ZNF91: variants seen among roughly 807,000 people sequenced by gnomAD.
The protein encoded by ZNF91 is zinc finger protein 91 (HPF7, HTF10).
ZNF91 carries 7 observed loss-of-function variants against 12.6 expected under a neutral mutation model. That is an observed-to-expected ratio of 0.55 (90% confidence interval 0.31 to 1.04). The LOEUF (loss-of-function observed/expected upper bound fraction) is 1.04, where lower values mean the gene tolerates loss of function less well. Among genes scored for constraint, ZNF91 ranks in the 50% least tolerant of loss-of-function variants. ZNF91 has a pLI of 0.05. For missense variants in ZNF91, 1,217 were observed against 1,385.4 expected (o/e 0.88, Z 1.93); for synonymous variants, 453 against 462.6 (o/e 0.98, Z 0.27).
intron 3 of ZNF91, among the ~76,000 whole-genome samples, chr19:23,371,986 G>C (rs890393767): frequency 6.6e-6 from 1 of 151,902 alleles, no homozygotes; most frequent in Non-Finnish European, 1.5e-5. Context: ...TATGGTTAGA[G>C]CTTCATGTAT....
chr19:23,373,799 C>G lies in ZNF91; in HGVS notation c.196G>C (p.Glu66Gln). Residue 66 changes from glutamate to glutamine, a missense_variant, in exon 3 of 4, where the codon GAG becomes CAG. By Grantham distance (29) the Glu-to-Gln change is conservative. Transcript: ENST00000300619. ...LSKPDLITYL[E>Q]QGKEPWNMKQ... ...ATATTCCAGGGCTCTTTTCCTTGCT[C>G]CAGATAAGTAATCAGGTCTGGCTTA... 6.2e-7 allele frequency: 1 copy of G among 1,611,230 alleles called. No individual in the cohort carries two copies. Among genetic ancestry groups the G allele is most frequent in the Non-Finnish European group, 8.5e-7 (1 of 1,178,408 alleles).
Position 23,360,555 on chromosome 19 carries a change from G to A in ZNF91, c.2424C>T (p.Ser808=), listed in dbSNP as rs779350130. 1 of 1,613,148 alleles carries A rather than the reference G, an allele frequency of 6.2e-7. No individual in the cohort carries two copies. The highest frequency in any genetic ancestry group is 1.3e-5 in the African/African-American group (1 of 74,712). ...TATGCTTAGTAAGGGTTGAGGAACG[G>A]CTAAAAGCTTTGCCACATTCTTCAC... ...YKCEECGKAF[S]RSSTLTKHKT... The change falls in exon 4 of 4, where the codon AGC becomes AGT. Residue 808 remains serine, a synonymous_variant. Coordinates refer to ENST00000300619, the MANE Select transcript of ZNF91 (RefSeq NM_003430.4).
At chr19:23,305,222 A>T (rs1236255472) in intron 3 of ZNF91, 5 of 152,200 alleles carry the variant, frequency 3.3e-5, no homozygotes, top group Non-Finnish European at 7.3e-5. Context: ...ACATACAAAC[A>T]CATACAATAT....
chr19:23,334,795 A>G (rs922399610), downstream of ZNF91, among the ~76,000 whole-genome samples: 1 of 152,234 alleles, frequency 6.6e-6, no homozygotes, highest in African/African-American at 2.4e-5. Flanking sequence ...AAAAGCTTAT[A>G]CAAATCAGTA....
upstream of ZNF91, among the ~76,000 whole-genome samples, chr19:23,314,109 T>C (rs144569743): frequency 1.0e-3 from 153 of 152,280 alleles, no homozygotes; most frequent in African/African-American, 3.6e-3. Flanking sequence ...ACCTAGGGTG[T>C]ATGTTTTTTA....
In ZNF91 at chr19:23,323,097, CCCCTT is replaced by C. The variant is rs1164137717; in HGVS notation, n.117-14005_117-14001del. Among the ~76,000 whole-genome samples, 8 of 148,150 alleles carry C rather than the reference CCCCTT, an allele frequency of 5.4e-5. No individual in the cohort carries two copies. The East Asian group carries it at 1.2e-3, about 23-fold the overall frequency. On this transcript the variant is annotated intron_variant and non_coding_transcript_variant, in intron 1 of 1. Transcript: ENST00000596528. Reference sequence around the variant, plus strand: ...TTTTTTCTTTTCTTCCTCCTCCCCTCCCCTTGTCTCCTTTTCCTCTCCTCCTTTTC... The same window carrying C: ...TTTTTTCTTTTCTTCCTCCTCCCCTCGTCTCCTTTTCCTCTCCTCCTTTTC...
chr19:23,361,037 G>C lies in ZNF91; in HGVS notation c.1942C>G (p.His648Asp), dbSNP rs1245791932. The C allele has an allele frequency of 3.7e-6, 6 of 1,603,616 alleles. No homozygotes were observed. The highest frequency in any genetic ancestry group is 5.1e-6 in the Non-Finnish European group (6 of 1,171,792). ...TTCTCTCCAGTATGAATTCTCTTAT[G>C]TTTAGCAAGGGCTGAAGAATGGCTA... Reference protein sequence around the residue: ...AFSHSSALAKHKRIHTGEKPY... With the variant: ...AFSHSSALAKDKRIHTGEKPY... The change falls in exon 4 of 4, where the codon CAT becomes GAT. Residue 648 changes from histidine (H) to aspartate (D), a missense_variant. By Grantham distance (81) the His-to-Asp change is moderately conservative. This residue lies in a region of ZNF91 where 726 missense variants were observed against 895.5 expected (regional missense o/e 0.81). Coordinates refer to ENST00000300619, the MANE Select transcript of ZNF91 (RefSeq NM_003430.4).
upstream of ZNF91, among the ~76,000 whole-genome samples, chr19:23,314,257 T>C (rs1159725260): frequency 6.6e-6 from 1 of 152,196 alleles, no homozygotes; most frequent in Non-Finnish European, 1.5e-5. Context: ...ATCTATTTGA[T>C]GTTATTCTCC....
At chr19:23,368,386 G>A (rs1969103316) in intron 3 of ZNF91, among the ~76,000 whole-genome samples, 1 of 151,718 alleles carries the variant, frequency 6.6e-6, no homozygotes, top group Non-Finnish European at 1.5e-5. Flanking sequence ...GGGGCGGCAC[G>A]TGCCTGTAGT....
downstream of ZNF91, among the ~76,000 whole-genome samples, chr19:23,354,699 T>C (rs1968446204): frequency 6.6e-6 from 1 of 152,122 alleles, no homozygotes; most frequent in Non-Finnish European, 1.5e-5. Context: ...GCTGATGATG[T>C]GATCATTTAC....
intron 1 of ZNF91, among the ~76,000 whole-genome samples, chr19:23,309,472 C>T (rs546295437): frequency 2.6e-5 from 4 of 152,102 alleles, no homozygotes; most frequent in Admixed American, 6.6e-5. Flanking sequence ...GTTGTCTGTG[C>T]CCTGCTTTTA....
At chr19:23,320,318 A>G (rs931682340) in intron 1 of ZNF91, among the ~76,000 whole-genome samples, 3 of 152,220 alleles carry the variant, frequency 2.0e-5, no homozygotes, top group African/African-American at 4.8e-5. Flanking sequence ...TCATATCAGC[A>G]TGAAGGTCTT....
intron 1 of ZNF91, among the ~76,000 whole-genome samples, chr19:23,389,402 CAAAA>C (rs34173990): frequency 1.8e-5 from 2 of 111,862 alleles, no homozygotes; most frequent in African/African-American, 2.8e-5. Context: ...AAGTTTTTGG[CAAAA>C]AAAAAAAAAA....
chr19:23,361,678 T>C lies in ZNF91; in HGVS notation c.1301A>G (p.Tyr434Cys). The C allele has an allele frequency of 1.2e-6, 2 of 1,612,730 alleles. No homozygotes were observed. Among genetic ancestry groups the C allele is most frequent in the Non-Finnish European group, 8.5e-7 (1 of 1,179,212 alleles). The stretch of plus-strand genomic sequence containing the variant: ...TGCTTTGCCACATTCTTCACACTTG[T>C]AAGGTTTCTCTCCAGTATGAATAAA... ...HKFIHTGEKP[Y>C]KCEECGKAFN... The change falls in exon 4 of 4, where the codon TAC (tyrosine) becomes TGC (cysteine). Residue 434 changes from tyrosine (Y) to cysteine (C), a missense_variant. By Grantham distance (194) the Tyr-to-Cys change is radical. This residue lies in a region of ZNF91 where 726 missense variants were observed against 895.5 expected (regional missense o/e 0.81). Coordinates refer to ENST00000300619, the MANE Select transcript of ZNF91 (RefSeq NM_003430.4).
chr19:23,333,047 A>T (rs577588543), intron 1 of ZNF91, among the ~76,000 whole-genome samples: 1 of 152,286 alleles, frequency 6.6e-6, no homozygotes, highest in South Asian at 2.1e-4. Flanking sequence ...GGACTCTGCG[A>T]TTCTGCTGGT....
At chr19:23,394,847 CA>C (rs1441114273) in intron 1 of ZNF91, among the ~76,000 whole-genome samples, 2 of 152,220 alleles carry the variant, frequency 1.3e-5, no homozygotes, top group African/African-American at 4.8e-5. Flanking sequence ...CCACAAATTA[CA>C]AACCATAGCT....
intron 3 of ZNF91, among the ~76,000 whole-genome samples, chr19:23,340,454 C>T (rs974655749): frequency 2.0e-5 from 3 of 151,914 alleles, no homozygotes; most frequent in African/African-American, 7.2e-5. Flanking sequence ...TCCATGGAAA[C>T]AAACAACCTC....
At chr19:23,384,980 A>G (rs1192061390) in intron 1 of ZNF91, 80 of 1,071,370 alleles carry the variant, frequency 7.5e-5, no homozygotes, top group Non-Finnish European at 1.1e-4. Context: ...GTCATGGAGG[A>G]AAAAGGTCAG....
intron 2 of ZNF91, among the ~76,000 whole-genome samples, chr19:23,374,412 T>C (rs1405635862): frequency 2.2e-5 from 3 of 138,208 alleles, no homozygotes; most frequent in African/African-American, 8.2e-5. Flanking sequence ...AAAAAAAAAT[T>C]AGCCGGGCAT....
Sources: allele counts gnomAD v4.1 joint callset (sites outside exome capture counted in the v4.1 genomes callset), GRCh38; gene constraint gnomAD v4.1.1; regional missense constraint gnomAD v4.1.1; transcripts MANE v1.5; gene names NCBI Gene and HGNC (gene_info 2026-07-23, HGNC 2026-07-21).